Variants in ZC3H15 observed in about 807,000 individuals in gnomAD.
The protein encoded by ZC3H15 is zinc finger CCCH domain-containing protein 15.
In ZC3H15, 15 loss-of-function variants were observed where a neutral mutation model predicts 51.2. The observed-to-expected ratio is 0.29, with a 90% CI of 0.20 to 0.45. The LOEUF (loss-of-function observed/expected upper bound fraction) is 0.45, where lower values mean the gene tolerates loss of function less well. ZC3H15 is among the 20% of genes least tolerant of loss of function. The pLI, the probability that ZC3H15 is intolerant of heterozygous loss-of-function variation, is 1.00. For missense variants in ZC3H15, 381 were observed against 494.7 expected (o/e 0.77, Z 2.18); for synonymous variants, 144 against 162.8 (o/e 0.88, Z 0.88).
At chr2:186,503,240 A>C (rs1159024347) in intron 5 of ZC3H15, among the ~76,000 whole-genome samples, 1 of 152,174 alleles carries the variant, frequency 6.6e-6, no homozygotes, top group Non-Finnish European at 1.5e-5. Flanking sequence ...TTAATACTTG[A>C]GGCTTAAATA....
chr2:186,500,247 A>G lies in ZC3H15; in HGVS notation c.243A>G (p.Leu81=). Residue 81 remains leucine (L), a synonymous_variant, in exon 3 of 10, where the codon CTA becomes CTG. Coordinates refer to ENST00000337859, the MANE Select transcript of ZC3H15 (RefSeq NM_018471.3). ...ACAAGAAGAAAGAATTGCAGGAGCT[A>G]AATGAGCTGTTCAAACCTGTAGTTG... ...KDDKKKELQE[L]NELFKPVVAA... The G allele has an allele frequency of 6.2e-7, 1 of 1,613,680 alleles. No individual in the cohort carries two copies. Among genetic ancestry groups the G allele is most frequent in the Non-Finnish European group, 8.5e-7 (1 of 1,179,852 alleles).
At chr2:186,502,707 C>A in intron 5 of ZC3H15, 120 bp downstream of exon 5, 1 of 801,352 alleles carries the variant, frequency 1.2e-6, no homozygotes, top group Non-Finnish European at 1.9e-6. Flanking sequence ...AATTTGATTT[C>A]ATCAAGATAA....
At chr2:186,490,376 C>G (rs1356465124) in intron 1 of ZC3H15, among the ~76,000 whole-genome samples, 1 of 152,128 alleles carries the variant, frequency 6.6e-6, no homozygotes, top group Non-Finnish European at 1.5e-5. Context: ...GAACTTGTAT[C>G]AGCAAGGAAA....
At chr2:186,500,559 C>A (rs1172137554) in intron 3 of ZC3H15, 5 of 581,160 alleles carry the variant, frequency 8.6e-6, no homozygotes, top group Non-Finnish European at 1.6e-5. Context: ...TGATTTATAA[C>A]ATTCAGTCTT....
chr2:186,501,402 C>T lies in ZC3H15; in HGVS notation c.419C>T (p.Ala140Val), dbSNP rs758751018. 17 of 1,610,234 alleles carry T rather than the reference C, an allele frequency of 1.1e-5. No homozygotes were observed. Among genetic ancestry groups the T allele is most frequent in the Non-Finnish European group, 1.4e-5 (16 of 1,178,848 alleles). ...KCEKRSVYID[A>V]RDEELEKDTM... The stretch of plus-strand genomic sequence containing the variant: ...GAAAAGCGAAGTGTTTACATTGATG[C>T]AAGAGATGAAGAACTTGAAAAAGGT... Residue 140 changes from alanine (A) to valine (V), a missense_variant, in exon 4 of 10, where the codon GCA (alanine) becomes GTA (valine). Physicochemically the swap from Ala to Val is moderately conservative, Grantham distance 64. Transcript: ENST00000337859.
chr2:186,502,698 A>T (rs1001788345), intron 5 of ZC3H15, 111 bp downstream of exon 5: 10 of 862,398 alleles, frequency 1.2e-5, no homozygotes, highest in African/African-American at 1.7e-5. Flanking sequence ...TTACTGGAAA[A>T]TTTGATTTCA....
At position 186,486,295 on chromosome 2, in the gene ZC3H15, C is replaced by T. The variant is rs1240797113; in HGVS notation, c.-88C>T. On this transcript the variant is annotated 5_prime_UTR_variant, in exon 1 of 10. Coordinates refer to ENST00000337859, the MANE Select transcript of ZC3H15 (RefSeq NM_018471.3). ...CCGTGCGGTGCGGCGAGTGAGGCCC[C>T]GGTCTTCCTCCTCGTCCTGCCGCAG... 7.5e-7 allele frequency: 1 copy of T among 1,332,392 alleles called. No individual in the cohort carries two copies. The highest frequency in any genetic ancestry group is 9.8e-7 in the Non-Finnish European group (1 of 1,015,980). The allele number at this position is 1,332,392 out of a possible 1,614,324, so 82.5% of individuals were successfully genotyped here.
chr2:186,486,287 T>C lies in ZC3H15; in HGVS notation c.-96T>C. On this transcript the variant is annotated 5_prime_UTR_variant, in exon 1 of 10. Coordinates refer to ENST00000337859, the MANE Select transcript of ZC3H15 (RefSeq NM_018471.3). Reference sequence around the variant, plus strand: ...CTCGCTTTCCGTGCGGTGCGGCGAGTGAGGCCCCGGTCTTCCTCCTCGTCC... The same window carrying C: ...CTCGCTTTCCGTGCGGTGCGGCGAGCGAGGCCCCGGTCTTCCTCCTCGTCC... The C allele has an allele frequency of 7.7e-7, 1 of 1,300,198 alleles. No homozygotes were observed. The allele number at this position is 1,300,198 out of a possible 1,614,324, so 80.5% of individuals were successfully genotyped here.
chr2:186,502,187 A>C (rs1161834069), intron 4 of ZC3H15, among the ~76,000 whole-genome samples: 1 of 151,894 alleles, frequency 6.6e-6, no homozygotes, highest in Non-Finnish European at 1.5e-5. Flanking sequence ...CCATCTCTAC[A>C]AAAAAATAGA....
At chr2:186,499,652 A>G (rs1405813604) in intron 2 of ZC3H15, 1 of 446,354 alleles carries the variant, frequency 2.2e-6, no homozygotes, top group Non-Finnish European at 4.5e-6. Flanking sequence ...TGAATCCTCT[A>G]ATCATATTAG....
At chr2:186,487,518 T>G (rs1440565576) in intron 1 of ZC3H15, among the ~76,000 whole-genome samples, 1 of 152,240 alleles carries the variant, frequency 6.6e-6, no homozygotes, top group African/African-American at 2.4e-5. Context: ...TTTGCTATAC[T>G]TGGCCAGGTT....
At chr2:186,493,404 C>T (rs1462198609) in intron 1 of ZC3H15, among the ~76,000 whole-genome samples, 2 of 152,144 alleles carry the variant, frequency 1.3e-5, no homozygotes, top group South Asian at 2.1e-4. Flanking sequence ...TCTACCTGCT[C>T]TTTTCTCTTG....
chr2:186,503,624 G>A (rs1201711754), intron 5 of ZC3H15, among the ~76,000 whole-genome samples: 3 of 152,092 alleles, frequency 2.0e-5, no homozygotes, highest in East Asian at 1.9e-4. Flanking sequence ...CAGGTGATCC[G>A]CCCGCCTCGG....
chr2:186,488,385 T>A (rs1024241093), intron 1 of ZC3H15, among the ~76,000 whole-genome samples: 1 of 152,214 alleles, frequency 6.6e-6, no homozygotes, highest in East Asian at 1.9e-4. Flanking sequence ...GATAGATTAG[T>A]TTTTACCACT....
intron 4 of ZC3H15, 83 bp from the exon 5 acceptor site, chr2:186,502,413 A>G: frequency 8.4e-7 from 1 of 1,190,894 alleles, no homozygotes; most frequent in Non-Finnish European, 1.2e-6. Flanking sequence ...GAGTCTTATA[A>G]CACAGCATTA....
chr2:186,501,510 T>C (rs1685384442), intron 4 of ZC3H15, 85 bp downstream of exon 4: 8 of 1,177,074 alleles, frequency 6.8e-6, no homozygotes, highest in Admixed American at 2.3e-5. Context: ...TTGAAGAACA[T>C]TTCAATCTTA....
At chr2:186,497,234 T>A (rs1232079084) in intron 2 of ZC3H15, 2 of 373,562 alleles carry the variant, frequency 5.4e-6, no homozygotes, top group East Asian at 8.3e-5. Flanking sequence ...ACAGATTTTT[T>A]AAAAATCTGC....
intron 2 of ZC3H15, among the ~76,000 whole-genome samples, chr2:186,495,746 T>A (rs1685270958): frequency 6.6e-6 from 1 of 152,250 alleles, no homozygotes; most frequent in Non-Finnish European, 1.5e-5. Context: ...ATTTTAACAT[T>A]ATAAATTTGC....
intron 8 of ZC3H15, 183 bp downstream of exon 8, chr2:186,506,024 T>G: frequency 5.7e-6 from 4 of 698,462 alleles, no homozygotes; most frequent in East Asian, 2.8e-5. Context: ...TGATTATCTC[T>G]ACATCATAGT....
Sources: gnomAD v4.1 joint callset for allele counts (sites outside exome capture counted in the v4.1 genomes callset) on GRCh38, gnomAD v4.1.1 for gene constraint, MANE v1.5 for transcripts, NCBI Gene and HGNC (gene_info 2026-07-23, HGNC 2026-07-21) for gene names.